NBAS: variants seen among roughly 807,000 people sequenced by gnomAD.
The protein encoded by NBAS is NAG/BC035112 fusion.
Under a neutral mutation model 302.5 loss-of-function variants are expected in NBAS, and 219 were observed. The ratio of observed to expected loss-of-function variants is 0.72; its 90% CI spans 0.65 to 0.81. NBAS has a LOEUF of 0.81. Ranked by LOEUF, NBAS falls within the 30% of genes least tolerant of loss-of-function variation. The pLI, the probability that NBAS is intolerant of heterozygous loss-of-function variation, is 0.00. For synonymous variants in NBAS, 1,118 were observed against 1,021.6 expected (o/e 1.09, Z -1.80); for missense variants, 2,932 against 2,841.6 (o/e 1.03, Z -0.72).
At chr2:15,257,533 CA>C (rs1231098661) in intron 44 of NBAS, among the ~76,000 whole-genome samples, 3 of 151,784 alleles carry the variant, frequency 2.0e-5, no homozygotes, top group Non-Finnish European at 4.4e-5. Flanking sequence ...GCTGAGATTG[CA>C]AAAGCCTGCC....
rs1257399103 is a variant in NBAS, at chr2:15,356,292, T to C, written c.3931+11A>G. 6.2e-7 allele frequency: 1 copy of C among 1,602,776 alleles called. No homozygotes were observed. Among genetic ancestry groups the C allele is most frequent in the South Asian group, 1.1e-5 (1 of 90,870 alleles). On this transcript the variant is annotated intron_variant, in intron 33 of 51. Coordinates refer to ENST00000281513, the MANE Select transcript of NBAS (RefSeq NM_015909.4). ...GACATAAGCAAAGTGTTAAATAAGC[T>C]GTCTACTCACCTGTGGCCATCAGCT... is the stretch of plus-strand genomic sequence containing the variant.
chr2:15,122,480 C>T, the NBAS span, among the ~76,000 whole-genome samples: 1 of 152,158 alleles, frequency 6.6e-6, no homozygotes, highest in Non-Finnish European at 1.5e-5. Flanking sequence ...GGGGTTGGTG[C>T]TTCGTTCATG....
At chr2:14,897,020 G>A in the NBAS span, among the ~76,000 whole-genome samples, 2 of 151,922 alleles carry the variant, frequency 1.3e-5, no homozygotes, top group Non-Finnish European at 2.9e-5. Context: ...GTCAGGGGAG[G>A]GGAGCAGTAA....
the NBAS span, among the ~76,000 whole-genome samples, chr2:14,911,101 T>G: frequency 1.8e-4 from 27 of 152,220 alleles, no homozygotes; most frequent in South Asian, 4.1e-4. Context: ...ACAAAGAAAC[T>G]CAAAGTTACC....
the NBAS span, among the ~76,000 whole-genome samples, chr2:14,937,176 T>G: frequency 6.6e-6 from 1 of 152,136 alleles, no homozygotes; most frequent in Non-Finnish European, 1.5e-5. Context: ...CTCTGAGGGT[T>G]CACCCATTAC....
intron 12 of NBAS, 69 bp downstream of exon 12, chr2:15,488,825 A>G: frequency 1.9e-6 from 3 of 1,587,086 alleles, no homozygotes; most frequent in Non-Finnish European, 2.6e-6. Flanking sequence ...TAAAATATCA[A>G]TAAAATAAAA....
intron 21 of NBAS, among the ~76,000 whole-genome samples, chr2:15,438,338 G>T (rs1335612327): frequency 6.6e-6 from 1 of 151,994 alleles, no homozygotes; most frequent in East Asian, 1.9e-4. Context: ...ATGACAACAG[G>T]GATAAGAACT....
the NBAS span, among the ~76,000 whole-genome samples, chr2:15,017,676 A>T: frequency 6.6e-6 from 1 of 152,132 alleles, no homozygotes; most frequent in South Asian, 2.1e-4. Flanking sequence ...GCTGGTGAAG[A>T]TGTGGAGATT....
intron 47 of NBAS, among the ~76,000 whole-genome samples, chr2:15,220,205 G>A (rs1265067682): frequency 7.3e-6 from 1 of 137,728 alleles, no homozygotes; most frequent in Admixed American, 7.1e-5. Context: ...CCTCCCGGAC[G>A]GGGCGGCTGG....
At chr2:14,849,795 A>C in the NBAS span, among the ~76,000 whole-genome samples, 1 of 141,996 alleles carries the variant, frequency 7.0e-6, no homozygotes, top group Non-Finnish European at 1.5e-5. Context: ...TAAAGAAAAG[A>C]ATTTTCAACC....
chr2:15,343,746 T>G (rs2148275803), intron 35 of NBAS, among the ~76,000 whole-genome samples: 1 of 151,964 alleles, frequency 6.6e-6, no homozygotes, highest in African/African-American at 2.4e-5. Context: ...CACTAAAAAC[T>G]ATAAAACTTT....
chr2:15,125,182 C>A, the NBAS span, among the ~76,000 whole-genome samples: 2 of 152,178 alleles, frequency 1.3e-5, no homozygotes, highest in South Asian at 4.1e-4. Flanking sequence ...AGTCTGTTCT[C>A]ACACTGCTAT....
the NBAS span, among the ~76,000 whole-genome samples, chr2:14,949,759 G>A: frequency 6.6e-6 from 1 of 152,194 alleles, no homozygotes; most frequent in Admixed American, 6.5e-5. Flanking sequence ...GGATGGAACT[G>A]GAGGTCATTT....
chr2:15,446,582 T>G (rs1678755446), intron 21 of NBAS, among the ~76,000 whole-genome samples: 2 of 152,034 alleles, frequency 1.3e-5, no homozygotes, highest in Admixed American at 1.3e-4. Context: ...AGATATAAAT[T>G]GTATCTACAC....
intron 5 of NBAS, among the ~76,000 whole-genome samples, 198 bp from the exon 6 acceptor site, chr2:15,551,734 G>C (rs1187452684): frequency 5.3e-5 from 8 of 152,150 alleles, no homozygotes; most frequent in Admixed American, 3.3e-4. Context: ...CAGATACGGA[G>C]CTACATCGTT....
At chr2:14,813,303 G>A in the NBAS span, among the ~76,000 whole-genome samples, 2 of 152,110 alleles carry the variant, frequency 1.3e-5, no homozygotes, top group East Asian at 1.9e-4. Flanking sequence ...AGATGGGGAA[G>A]GTTTGGAACT....
At chr2:14,824,897 C>T in the NBAS span, among the ~76,000 whole-genome samples, 1 of 152,146 alleles carries the variant, frequency 6.6e-6, no homozygotes, top group African/African-American at 2.4e-5. Flanking sequence ...AGCAGACACG[C>T]AGGAAGTGAA....
the NBAS span, among the ~76,000 whole-genome samples, chr2:14,790,733 C>T: frequency 6.6e-6 from 1 of 150,754 alleles, no homozygotes; most frequent in Non-Finnish European, 1.5e-5. Flanking sequence ...CTCACCACAA[C>T]CTCTGCCTCC....
At chr2:15,307,909 AC>A (rs1240030545) in intron 40 of NBAS, among the ~76,000 whole-genome samples, 1 of 152,244 alleles carries the variant, frequency 6.6e-6, no homozygotes, top group Non-Finnish European at 1.5e-5. Context: ...AGTTAAAAAA[AC>A]AATTCTCCAT....
Sources: gnomAD v4.1 joint callset for allele counts (sites outside exome capture counted in the v4.1 genomes callset) on GRCh38, gnomAD v4.1.1 for gene constraint, MANE v1.5 for transcripts, NCBI Gene and HGNC (gene_info 2026-07-23, HGNC 2026-07-21) for gene names.